CSMD1: variants seen among roughly 807,000 people sequenced by gnomAD.
CSMD1 encodes the protein CUB and sushi domain-containing protein 1.
In CSMD1, 213 loss-of-function variants were observed where a neutral mutation model predicts 417.5. The ratio of observed to expected loss-of-function variants is 0.51; its 90% CI spans 0.46 to 0.57. CSMD1 has a LOEUF of 0.57. Among genes scored for constraint, CSMD1 ranks in the 20% least tolerant of loss-of-function variants. The pLI is 0.00. For synonymous variants in CSMD1, 2,862 were observed against 1,736.8 expected, an observed-to-expected ratio of 1.65 and a Z score of -16.11; for missense variants, 6,923 against 4,529.7, an observed-to-expected ratio of 1.53 and a Z score of -15.17.
intron 51 of CSMD1, among the ~76,000 whole-genome samples, chr8:3,025,940 A>T (rs1052637242): frequency 6.6e-6 from 1 of 152,214 alleles, no homozygotes; most frequent in African/African-American, 2.4e-5. Context: ...TGATATAGTT[A>T]TAAAAAGGTC....
chr8:3,500,274 G>C (rs1489754182), intron 10 of CSMD1, among the ~76,000 whole-genome samples: 1 of 152,124 alleles, frequency 6.6e-6, no homozygotes. Flanking sequence ...CTTTGTGAAG[G>C]AGGAAAGTGC....
rs186487934 is a variant in CSMD1, at chr8:4,945,578, T to G, written c.85+48754A>C. Among the ~76,000 whole-genome samples, 115 of 151,520 alleles carry G rather than the reference T, an allele frequency of 7.6e-4. 1 individual carries two copies. The highest frequency in any genetic ancestry group is 3.7e-3 in the East Asian group (19 of 5,170). On this transcript the variant is annotated intron_variant, in intron 1 of 69. Coordinates refer to ENST00000635120, the MANE Select transcript of CSMD1 (RefSeq NM_033225.6). ...ATGCTTTAAAAAATAAAGACAAGAA[T>G]AGCCTCAGTAAATCTCTGGATAAGA...
At chr8:3,279,436 T>C (rs1013979076) in intron 26 of CSMD1, among the ~76,000 whole-genome samples, 1 of 152,228 alleles carries the variant, frequency 6.6e-6, no homozygotes, top group African/African-American at 2.4e-5. Context: ...TTTACAGCCC[T>C]GATTGTAGTA....
At chr8:4,607,539 T>A (rs1346076548) in intron 2 of CSMD1, among the ~76,000 whole-genome samples, 2 of 152,136 alleles carry the variant, frequency 1.3e-5, no homozygotes, top group African/African-American at 2.4e-5. Flanking sequence ...GGTGCTGAAT[T>A]TGACCTAGGT....
intron 3 of CSMD1, among the ~76,000 whole-genome samples, chr8:4,223,040 G>T (rs191524713): frequency 6.6e-6 from 1 of 152,060 alleles, no homozygotes; most frequent in East Asian, 1.9e-4. Flanking sequence ...ACTGACAACA[G>T]GCTTCCTACA....
chr8:4,473,885 G>C (rs1442028553), intron 2 of CSMD1, among the ~76,000 whole-genome samples: 4 of 152,034 alleles, frequency 2.6e-5, no homozygotes, highest in Admixed American at 2.0e-4. Context: ...GAGAGAGGTA[G>C]CTTTTCAAAT....
intron 3 of CSMD1, among the ~76,000 whole-genome samples, chr8:4,297,665 T>C (rs1012781314): frequency 6.6e-6 from 1 of 152,204 alleles, no homozygotes; most frequent in Non-Finnish European, 1.5e-5. Context: ...GGATTTTGAC[T>C]ACTTTCTGCT....
intron 3 of CSMD1, among the ~76,000 whole-genome samples, chr8:4,156,635 T>C (rs906418363): frequency 6.6e-6 from 1 of 152,182 alleles, no homozygotes; most frequent in Non-Finnish European, 1.5e-5. Context: ...GTTTTTGCTA[T>C]TTGGTGATAC....
chr8:3,511,301 G>A (rs1024923638), intron 10 of CSMD1, among the ~76,000 whole-genome samples: 1 of 151,576 alleles, frequency 6.6e-6, no homozygotes, highest in Non-Finnish European at 1.5e-5. Context: ...GATGGATACA[G>A]CAAACCACAA....
At chr8:3,718,886 G>C (rs1190596553) in intron 6 of CSMD1, among the ~76,000 whole-genome samples, 1 of 152,096 alleles carries the variant, frequency 6.6e-6, no homozygotes, top group Non-Finnish European at 1.5e-5. Context: ...TAGTCTTGTA[G>C]TGATCTATCG....
intron 52 of CSMD1, among the ~76,000 whole-genome samples, chr8:3,017,978 G>C (rs1809000853): frequency 6.6e-6 from 1 of 151,878 alleles, no homozygotes. Context: ...CTTATTCAAA[G>C]AATTTTCCAA....
intron 5 of CSMD1, among the ~76,000 whole-genome samples, chr8:3,774,806 G>C (rs1031941780): frequency 1.3e-5 from 2 of 152,250 alleles, no homozygotes; most frequent in South Asian, 2.1e-4. Flanking sequence ...AGCCATGACT[G>C]TGCTGCCCCG....
At chr8:4,192,160 G>C (rs1012021973) in intron 3 of CSMD1, among the ~76,000 whole-genome samples, 2 of 151,932 alleles carry the variant, frequency 1.3e-5, no homozygotes, top group African/African-American at 2.4e-5. Context: ...TGCACCAATA[G>C]GCATGTTATA....
At chr8:2,970,243 G>A (rs1303740588) in intron 57 of CSMD1, among the ~76,000 whole-genome samples, 2 of 152,118 alleles carry the variant, frequency 1.3e-5, no homozygotes, top group African/African-American at 4.8e-5. Context: ...AGATTGCTAA[G>A]GAAAAACATT....
intron 5 of CSMD1, among the ~76,000 whole-genome samples, chr8:3,919,096 G>C (rs906010413): frequency 1.4e-5 from 2 of 146,122 alleles, no homozygotes; most frequent in African/African-American, 5.0e-5. Flanking sequence ...TCATTTTGCA[G>C]ATTGTTTCTT....
chr8:4,978,863 A>C (rs1810712921), intron 1 of CSMD1, among the ~76,000 whole-genome samples: 1 of 138,712 alleles, frequency 7.2e-6, no homozygotes. Context: ...GCTTGAACCC[A>C]GGAGGCGGAG....
chr8:2,961,741 T>G (rs10216438), intron 61 of CSMD1, among the ~76,000 whole-genome samples: 8,179 of 152,260 alleles, frequency 0.054, 504 homozygotes, highest in African/African-American at 0.16. Context: ...GCACTTCAGC[T>G]CTCTTACTTG....
intron 3 of CSMD1, among the ~76,000 whole-genome samples, chr8:4,392,022 A>G (rs1033619581): frequency 6.6e-6 from 1 of 150,386 alleles, no homozygotes; most frequent in Non-Finnish European, 1.5e-5. Flanking sequence ...GTGAGTGGGT[A>G]AGTGAGTCCC....
chr8:4,625,642 T>C (rs11775015), intron 2 of CSMD1, among the ~76,000 whole-genome samples: 40,778 of 151,760 alleles, frequency 0.27, 6,261 homozygotes, highest in Admixed American at 0.47. Context: ...AAATATTTAA[T>C]CTAAAAAAAA....
Sources: allele counts gnomAD v4.1 joint callset (sites outside exome capture counted in the v4.1 genomes callset), GRCh38; gene constraint gnomAD v4.1.1; transcripts MANE v1.5; gene names NCBI Gene and HGNC (gene_info 2026-07-23, HGNC 2026-07-21).